Variants in RBMS3 observed in about 807,000 individuals in gnomAD.
The protein encoded by RBMS3 is RNA-binding motif, single-stranded-interacting protein 3.
Under a neutral mutation model 66.8 loss-of-function variants are expected in RBMS3, and 27 were observed. The observed-to-expected ratio is 0.40, with a 90% CI of 0.30 to 0.56. The LOEUF (loss-of-function observed/expected upper bound fraction) is 0.56, where lower values mean the gene tolerates loss of function less well. Among genes scored for constraint, RBMS3 ranks in the 20% least tolerant of loss-of-function variants. The probability of loss-of-function intolerance (pLI) is 0.40; values close to 1 mark genes in which losing one functional copy is unlikely to be tolerated. For synonymous variants in RBMS3, 188 were observed against 183.0 expected (o/e 1.03, Z -0.22); for missense variants, 513 against 549.5 (o/e 0.93, Z 0.66).
At chr3:29,334,906 A>G (rs1384795570) in intron 1 of RBMS3, among the ~76,000 whole-genome samples, 2 of 152,224 alleles carry the variant, frequency 1.3e-5, no homozygotes, top group East Asian at 3.9e-4. Context: ...AAACTCCAGT[A>G]TCAAATTGAA....
chr3:29,471,718 G>GTTTTTTTTTTTTTTTTTTTTT (rs397793236), intron 2 of RBMS3, among the ~76,000 whole-genome samples: 5 of 71,170 alleles, frequency 7.0e-5, no homozygotes, highest in African/African-American at 5.8e-5. Flanking sequence ...TGAGGACTTA[G>GTTTTTTTTTTTTTTTTTTTTT]TTTTTTTTTT....
chr3:29,589,623 A>T (rs2149097572), intron 4 of RBMS3, among the ~76,000 whole-genome samples: 1 of 152,216 alleles, frequency 6.6e-6, no homozygotes, highest in Non-Finnish European at 1.5e-5. Context: ...CCACCACTGT[A>T]TTAGCAGATT....
intron 1 of RBMS3, among the ~76,000 whole-genome samples, chr3:29,298,787 T>G (rs2033466449): frequency 6.6e-6 from 1 of 151,960 alleles, no homozygotes; most frequent in African/African-American, 2.4e-5. Context: ...GATCTTCTAG[T>G]CCAGTACTGT....
At chr3:29,849,377 A>T (rs2058874376) in intron 6 of RBMS3, among the ~76,000 whole-genome samples, 1 of 152,104 alleles carries the variant, frequency 6.6e-6, no homozygotes, top group South Asian at 2.1e-4. Context: ...AACCGGGCAC[A>T]GTGGCAGGTG....
At chr3:29,646,657 G>T (rs569704215) in intron 4 of RBMS3, among the ~76,000 whole-genome samples, 14 of 149,882 alleles carry the variant, frequency 9.3e-5, no homozygotes, top group Middle Eastern at 3.5e-3. Context: ...CCAGCCAAAG[G>T]CTCATTTTTT....
At chr3:29,772,411 C>T (rs1199157165) in intron 6 of RBMS3, among the ~76,000 whole-genome samples, 38 of 152,074 alleles carry the variant, frequency 2.5e-4, no homozygotes, top group Admixed American at 2.5e-3. Flanking sequence ...TAAATAGTCT[C>T]TGAAAAACTC....
At chr3:29,369,133 G>A (rs762844335) in intron 1 of RBMS3, among the ~76,000 whole-genome samples, 4 of 152,024 alleles carry the variant, frequency 2.6e-5, no homozygotes, top group Non-Finnish European at 5.9e-5. Context: ...GACACATAGA[G>A]GGGAACAGCC....
intron 3 of RBMS3, among the ~76,000 whole-genome samples, chr3:29,525,839 A>T (rs995874665): frequency 1.3e-5 from 2 of 152,156 alleles, no homozygotes; most frequent in Non-Finnish European, 2.9e-5. Context: ...AACTGCTGCC[A>T]ATTTTCTTTG....
intron 4 of RBMS3, among the ~76,000 whole-genome samples, chr3:29,592,906 G>A (rs35425898): frequency 0.15 from 22,249 of 150,240 alleles, 1,831 homozygotes; most frequent in East Asian, 0.32. Context: ...ACTATCGCAA[G>A]GACAAAAAAC....
At chr3:29,638,765 C>T (rs975257247) in intron 4 of RBMS3, among the ~76,000 whole-genome samples, 11 of 151,892 alleles carry the variant, frequency 7.2e-5, no homozygotes, top group African/African-American at 2.2e-4. Context: ...AAAATTTCAT[C>T]GTAGACATTA....
intron 12 of RBMS3, among the ~76,000 whole-genome samples, chr3:29,985,637 G>A (rs181345973): frequency 1.5e-4 from 23 of 152,138 alleles, no homozygotes; most frequent in African/African-American, 5.3e-4. Flanking sequence ...CAGGTGAGGC[G>A]ATACCCTACG....
At chr3:29,349,037 A>G (rs1217377899) in intron 1 of RBMS3, among the ~76,000 whole-genome samples, 3 of 152,124 alleles carry the variant, frequency 2.0e-5, no homozygotes, top group Non-Finnish European at 4.4e-5. Flanking sequence ...GGAAGTTCGT[A>G]CTTGACTTTC....
intron 6 of RBMS3, among the ~76,000 whole-genome samples, chr3:29,858,899 C>T (rs763388310): frequency 3.3e-5 from 5 of 152,134 alleles, no homozygotes; most frequent in Non-Finnish European, 5.9e-5. Context: ...AAGGTGATTT[C>T]CTCTATGTTG....
intron 6 of RBMS3, among the ~76,000 whole-genome samples, chr3:29,783,789 G>C (rs2056724569): frequency 6.6e-6 from 1 of 152,060 alleles, no homozygotes; most frequent in South Asian, 2.1e-4. Context: ...AGTTTCTACT[G>C]TCTTCAGGAG....
chr3:29,916,228 A>T (rs1352687452), intron 10 of RBMS3, among the ~76,000 whole-genome samples: 2 of 151,964 alleles, frequency 1.3e-5, no homozygotes, highest in Non-Finnish European at 2.9e-5. Flanking sequence ...TCTCTGATAA[A>T]TCTTTCTCTC....
chr3:29,768,892 C>A (rs1004448731), intron 6 of RBMS3, among the ~76,000 whole-genome samples: 4 of 151,896 alleles, frequency 2.6e-5, no homozygotes, highest in Non-Finnish European at 5.9e-5. Flanking sequence ...CATCAGCTCC[C>A]AATTAAACTA....
At chr3:29,342,383 C>T (rs559658046) in intron 1 of RBMS3, among the ~76,000 whole-genome samples, 1 of 152,090 alleles carries the variant, frequency 6.6e-6, no homozygotes, top group Non-Finnish European at 1.5e-5. Flanking sequence ...TATTTTTAGC[C>T]AGTTGCCTTT....
In RBMS3 at chr3:29,990,937, G is replaced by A. The variant is rs1327659667; in HGVS notation, c.1180-145G>A. Reference sequence around the variant, plus strand: ...AGCCCTTATCTAAATGTGCTCTCTGGGTTTCCTCTGAGTACTTATTGTGAC... The same window carrying A: ...AGCCCTTATCTAAATGTGCTCTCTGAGTTTCCTCTGAGTACTTATTGTGAC... On this transcript the variant is annotated intron_variant, in intron 13 of 14. Transcript: ENST00000383767. 1.0e-5 allele frequency: 7 copies of A among 684,910 alleles called. No individual in the cohort carries two copies. The East Asian group carries it at 1.4e-4, about 13-fold the overall frequency. 42.4% of individuals were successfully genotyped at this position (684,910 alleles called of 1,614,324 possible).
intron 4 of RBMS3, among the ~76,000 whole-genome samples, chr3:29,602,984 G>GA (rs111490895): frequency 0.15 from 22,158 of 151,766 alleles, 1,849 homozygotes; most frequent in East Asian, 0.32. Flanking sequence ...TGTTCTCATA[G>GA]AACCTTCTTC....
Sources: gnomAD v4.1 joint callset for allele counts (sites outside exome capture counted in the v4.1 genomes callset) on GRCh38, gnomAD v4.1.1 for gene constraint, MANE v1.5 for transcripts, NCBI Gene and HGNC (gene_info 2026-07-23, HGNC 2026-07-21) for gene names.